The following NBAS variants were observed in gnomAD, a reference collection of about 807,000 sequenced individuals.
NBAS encodes NBAS subunit of NRZ tethering complex.
NBAS carries 219 observed loss-of-function variants against 302.5 expected under a neutral mutation model. The observed-to-expected ratio is 0.72, with a 90% CI of 0.65 to 0.81. The LOEUF is 0.81. Among genes scored for constraint, NBAS ranks in the 30% least tolerant of loss-of-function variants. NBAS has a pLI of 0.00. For missense variants in NBAS, 2,932 were observed against 2,841.6 expected, an observed-to-expected ratio of 1.03 and a Z score of -0.72; for synonymous variants, 1,118 against 1,021.6, an observed-to-expected ratio of 1.09 and a Z score of -1.80.
chr2:15,395,059 G>T (rs1023698272), intron 27 of NBAS, among the ~76,000 whole-genome samples: 3 of 152,006 alleles, frequency 2.0e-5, no homozygotes, highest in African/African-American at 7.2e-5. Flanking sequence ...AGTGTCTGGG[G>T]CTATCAGGTG....
chr2:15,277,027 G>A lies in NBAS; in HGVS notation c.5213C>T (p.Ala1738Val), dbSNP rs146291374. Residue 1738 changes from alanine (A) to valine (V), a missense_variant, in exon 43 of 52, where the codon GCC (alanine) becomes GTC (valine). Physicochemically the swap from Ala to Val is moderately conservative, Grantham distance 64. Coordinates refer to ENST00000281513, the MANE Select transcript of NBAS (RefSeq NM_015909.4). Reference sequence around the variant, plus strand: ...ATACTTGACCATGTGCTGGTGAAAGGCTTCTGGATCAGTCTTCAAAGTCTC... The same window carrying A: ...ATACTTGACCATGTGCTGGTGAAAGACTTCTGGATCAGTCTTCAAAGTCTC... ...LFETLKTDPEAFHQHMVKYIY... is the reference protein window; with the variant it reads ...LFETLKTDPEVFHQHMVKYIY... 35 of 1,613,802 alleles carry A rather than the reference G, an allele frequency of 2.2e-5. No homozygotes were observed. In the African/African-American group the frequency reaches 4.4e-4, roughly 20 times the overall value.
At chr2:14,860,851 C>A in the NBAS span, among the ~76,000 whole-genome samples, 2 of 152,068 alleles carry the variant, frequency 1.3e-5, no homozygotes, top group South Asian at 2.1e-4. Context: ...TCAAGTGTTT[C>A]TATTAATAGC....
chr2:14,903,089 AACAAACCAAG>A, the NBAS span, among the ~76,000 whole-genome samples: 2 of 152,298 alleles, frequency 1.3e-5, no homozygotes, highest in East Asian at 3.9e-4. Flanking sequence ...AAAATAAGAG[AACAAACCAAG>A]ACCTTCTACA....
the NBAS span, among the ~76,000 whole-genome samples, chr2:15,106,651 TAC>T: frequency 6.6e-6 from 1 of 152,092 alleles, no homozygotes; most frequent in South Asian, 2.1e-4. Context: ...TTGATGTATA[TAC>T]ATTTGTTGGA....
chr2:15,134,767 T>C, the NBAS span, among the ~76,000 whole-genome samples: 1 of 152,198 alleles, frequency 6.6e-6, no homozygotes, highest in Non-Finnish European at 1.5e-5. Flanking sequence ...TCTACCCTTC[T>C]CTTAATAGTC....
At chr2:15,531,906 C>T (rs1208850021) in intron 9 of NBAS, among the ~76,000 whole-genome samples, 1 of 152,180 alleles carries the variant, frequency 6.6e-6, no homozygotes, top group Non-Finnish European at 1.5e-5. Context: ...CTTCCATTCT[C>T]CATCTCTGAT....
the NBAS span, among the ~76,000 whole-genome samples, chr2:15,106,993 T>C: frequency 6.6e-6 from 1 of 152,094 alleles, no homozygotes; most frequent in African/African-American, 2.4e-5. Flanking sequence ...TGAGGGCTGC[T>C]TCCAGGGTCT....
chr2:15,276,973 T>C lies in NBAS; in HGVS notation c.5267A>G (p.His1756Arg). ...AGTGAAATAATACTGCAGCCTTTCGTGATCAAAGCCACCAATAGTAGGGTA... is the reference window on the plus strand; with the variant it reads ...AGTGAAATAATACTGCAGCCTTTCGCGATCAAAGCCACCAATAGTAGGGTA... ...YIYPTIGGFD[H>R]ERLQYYFTLL... The change falls in exon 43 of 52, where the codon CAC (histidine) becomes CGC (arginine). Residue 1756 changes from histidine (H) to arginine (R), a missense_variant. Coordinates refer to ENST00000281513, the MANE Select transcript of NBAS (RefSeq NM_015909.4). 1 of 1,614,042 alleles carries C rather than the reference T, an allele frequency of 6.2e-7. No homozygotes were observed. The highest frequency in any genetic ancestry group is 8.5e-7 in the Non-Finnish European group (1 of 1,179,962).
At chr2:15,465,236 G>C (rs1325956951) in intron 19 of NBAS, among the ~76,000 whole-genome samples, 1 of 152,188 alleles carries the variant, frequency 6.6e-6, no homozygotes, top group East Asian at 1.9e-4. Context: ...ATCTCTAACT[G>C]TATGGAGACT....
At chr2:15,066,879 G>A in the NBAS span, among the ~76,000 whole-genome samples, 1 of 152,052 alleles carries the variant, frequency 6.6e-6, no homozygotes, top group African/African-American at 2.4e-5. Flanking sequence ...AATAAAATCA[G>A]AATGTTGAAG....
chr2:15,198,292 G>A (rs1665711023), intron 48 of NBAS, among the ~76,000 whole-genome samples: 1 of 152,180 alleles, frequency 6.6e-6, no homozygotes, highest in Non-Finnish European at 1.5e-5. Flanking sequence ...TGACTCAGGT[G>A]GTAGTTAGAA....
intron 13 of NBAS, among the ~76,000 whole-genome samples, chr2:15,477,394 T>C (rs1680237475): frequency 6.6e-6 from 1 of 152,084 alleles, no homozygotes; most frequent in Non-Finnish European, 1.5e-5. Flanking sequence ...CCCGAGTATC[T>C]GGGATTACAG....
chr2:15,342,667 T>A (rs1249922542), intron 35 of NBAS, among the ~76,000 whole-genome samples: 2 of 152,012 alleles, frequency 1.3e-5, no homozygotes, highest in Non-Finnish European at 1.5e-5. Context: ...GAGAACTTTG[T>A]CTTTCACATA....
chr2:15,553,389 A>T, intron 5 of NBAS, 37 bp downstream of exon 5: 1 of 1,549,526 alleles, frequency 6.5e-7, no homozygotes, highest in Non-Finnish European at 8.9e-7. Context: ...AATATTTCTC[A>T]AAGGAAATCT....
the NBAS span, among the ~76,000 whole-genome samples, chr2:14,913,267 G>A: frequency 6.6e-6 from 1 of 152,182 alleles, no homozygotes; most frequent in Non-Finnish European, 1.5e-5. Flanking sequence ...TGCTGTGGCC[G>A]ACTTAAGCAT....
chr2:15,452,957 CTTGTTATT>C (rs1379601891), intron 21 of NBAS, among the ~76,000 whole-genome samples: 1 of 152,134 alleles, frequency 6.6e-6, no homozygotes, highest in Admixed American at 6.6e-5. Context: ...ATGTGTTAGT[CTTGTTATT>C]TTAAAAAAAT....
At chr2:15,073,780 T>G in the NBAS span, among the ~76,000 whole-genome samples, 1 of 152,240 alleles carries the variant, frequency 6.6e-6, no homozygotes, top group African/African-American at 2.4e-5. Context: ...AGTCATCCAT[T>G]TGATGCAGAT....
At chr2:15,459,992 T>C (rs139596487) in intron 21 of NBAS, among the ~76,000 whole-genome samples, 3,492 of 142,752 alleles carry the variant, frequency 0.024, 72 homozygotes, top group Middle Eastern at 0.034. Flanking sequence ...ACCAAAATTA[T>C]TTGAAGACCA....
intron 51 of NBAS, among the ~76,000 whole-genome samples, chr2:15,175,964 C>T (rs1295723130): frequency 3.9e-5 from 6 of 152,296 alleles, no homozygotes; most frequent in African/African-American, 7.2e-5. Context: ...CTGCTATCAA[C>T]GGAGTGCCTC....
Sources: gnomAD v4.1 joint callset for allele counts (sites outside exome capture counted in the v4.1 genomes callset) on GRCh38, gnomAD v4.1.1 for gene constraint, MANE v1.5 for transcripts, NCBI Gene and HGNC (gene_info 2026-07-23, HGNC 2026-07-21) for gene names.